The following ANKS1B variants were observed in gnomAD, a reference collection of about 807,000 sequenced individuals.
ANKS1B encodes ankyrin repeat and sterile alpha motif domain containing 1B.
Under a neutral mutation model 148.3 loss-of-function variants are expected in ANKS1B, and 36 were observed. The observed-to-expected ratio is 0.24, with a 90% confidence interval of 0.19 to 0.32. The LOEUF (loss-of-function observed/expected upper bound fraction) is 0.32. Among genes scored for constraint, ANKS1B ranks in the 10% least tolerant of loss-of-function variants. The pLI is 1.00. For missense variants in ANKS1B, 1,157 were observed against 1,542.6 expected (o/e 0.75, Z 4.19); for synonymous variants, 542 against 560.8 (o/e 0.97, Z 0.47).
intron 14 of ANKS1B, among the ~76,000 whole-genome samples, chr12:99,207,049 C>T (rs1171557525): frequency 1.3e-5 from 2 of 152,112 alleles, no homozygotes; most frequent in South Asian, 2.1e-4. Context: ...TAGATTTCCT[C>T]TCCTGTGACA....
At chr12:99,313,393 G>A (rs1415934003) in intron 12 of ANKS1B, among the ~76,000 whole-genome samples, 1 of 152,164 alleles carries the variant, frequency 6.6e-6, no homozygotes, top group Non-Finnish European at 1.5e-5. Context: ...CTGAAAAGGA[G>A]GGAATCTTCC....
At chr12:98,872,225 T>C (rs1268162635) in intron 17 of ANKS1B, among the ~76,000 whole-genome samples, 1 of 152,160 alleles carries the variant, frequency 6.6e-6, no homozygotes, top group African/African-American at 2.4e-5. Context: ...GAGACTGTAG[T>C]TGAAGACAGG....
At chr12:99,861,876 C>A (rs1314569573) in intron 1 of ANKS1B, among the ~76,000 whole-genome samples, 1 of 131,906 alleles carries the variant, frequency 7.6e-6, no homozygotes, top group African/African-American at 2.8e-5. Context: ...TTTCAAAATT[C>A]TTTTTGACAT....
chr12:98,996,692 A>G (rs1021914366), intron 17 of ANKS1B, among the ~76,000 whole-genome samples: 1 of 151,848 alleles, frequency 6.6e-6, no homozygotes, highest in African/African-American at 2.4e-5. Flanking sequence ...GGGCGCCTGT[A>G]GTCCCAGCTA....
At chr12:99,235,240 T>C (rs2087679608) in intron 14 of ANKS1B, among the ~76,000 whole-genome samples, 1 of 152,174 alleles carries the variant, frequency 6.6e-6, no homozygotes, top group Admixed American at 6.6e-5. Context: ...TTAATAATCA[T>C]GTGTATTATA....
At chr12:99,793,961 A>G (rs925211198) in intron 4 of ANKS1B, among the ~76,000 whole-genome samples, 1 of 152,114 alleles carries the variant, frequency 6.6e-6, no homozygotes, top group Non-Finnish European at 1.5e-5. Context: ...TAAGGAACAA[A>G]AAAACTTTAC....
intron 8 of ANKS1B, among the ~76,000 whole-genome samples, chr12:99,708,590 G>T (rs1367853146): frequency 6.6e-6 from 1 of 152,054 alleles, no homozygotes; most frequent in Non-Finnish European, 1.5e-5. Flanking sequence ...TTCCTCATTG[G>T]CTCTGGCTCA....
intron 7 of ANKS1B, among the ~76,000 whole-genome samples, chr12:99,774,444 A>C (rs2063471114): frequency 6.6e-6 from 1 of 152,118 alleles, no homozygotes; most frequent in Admixed American, 6.6e-5. Context: ...ATCATCTCCC[A>C]TCTATTAGAA....
intron 12 of ANKS1B, among the ~76,000 whole-genome samples, chr12:99,370,269 C>T (rs2093054329): frequency 6.6e-6 from 1 of 152,068 alleles, no homozygotes; most frequent in African/African-American, 2.4e-5. Flanking sequence ...ATCTAGAGTG[C>T]TTGGCCATGA....
chr12:99,194,797 A>G (rs2081192626), intron 14 of ANKS1B, among the ~76,000 whole-genome samples: 1 of 152,144 alleles, frequency 6.6e-6, no homozygotes, highest in Admixed American at 6.5e-5. Flanking sequence ...TTAACAGATG[A>G]GATGATATTT....
At chr12:98,997,672 T>C (rs542672727) in intron 17 of ANKS1B, among the ~76,000 whole-genome samples, 8 of 152,302 alleles carry the variant, frequency 5.3e-5, no homozygotes, top group African/African-American at 1.9e-4. Context: ...ATTACAGGCA[T>C]GAGCCACCGC....
chr12:99,078,008 CCA>C (rs1056031823), intron 16 of ANKS1B, among the ~76,000 whole-genome samples: 21 of 152,142 alleles, frequency 1.4e-4, no homozygotes, highest in African/African-American at 4.8e-4. Context: ...TGAAAGAAAC[CCA>C]CAGTTTTTTT....
chr12:99,923,237 C>T (rs2094406142), intron 1 of ANKS1B, among the ~76,000 whole-genome samples: 1 of 152,148 alleles, frequency 6.6e-6, no homozygotes, highest in Non-Finnish European at 1.5e-5. Flanking sequence ...AATCCATAGC[C>T]TCTGGGAAGG....
At chr12:99,011,100 C>T (rs1333031632) in intron 17 of ANKS1B, among the ~76,000 whole-genome samples, 1 of 151,996 alleles carries the variant, frequency 6.6e-6, no homozygotes, top group Non-Finnish European at 1.5e-5. Context: ...TCAATGCTCA[C>T]CTTCACCTCC....
In ANKS1B at chr12:99,154,325, G is replaced by A; in HGVS notation, c.2490C>T (p.His830=). Reference sequence around the variant, plus strand: ...CATTGTCAAATCCATTAGCCATCAGGTGGTTCTCGTACTGAGGTAGCCCAA... The same window carrying A: ...CATTGTCAAATCCATTAGCCATCAGATGGTTCTCGTACTGAGGTAGCCCAA... ...ESIGLPQYEN[H]LMANGFDNVQ... The change falls in exon 15 of 27, where the codon CAC becomes CAT. Residue 830 remains histidine, a synonymous_variant. Coordinates refer to ENST00000683438, the MANE Select transcript of ANKS1B (RefSeq NM_001352186.2). 6.2e-7 allele frequency: 1 copy of A among 1,613,760 alleles called. No homozygotes were observed. Among genetic ancestry groups the A allele is most frequent in the Non-Finnish European group, 8.5e-7 (1 of 1,179,714 alleles).
intron 17 of ANKS1B, among the ~76,000 whole-genome samples, chr12:98,969,341 G>A (rs1397747895): frequency 6.6e-6 from 1 of 152,278 alleles, no homozygotes. Flanking sequence ...CAGGCTCATG[G>A]TGTCACATTC....
rs539789779 is a variant in ANKS1B, at chr12:99,035,458, T to C, written c.2778+17699A>G. The stretch of plus-strand genomic sequence containing the variant: ...TATTAGCATTAGATCAGACCCTTTT[T>C]TTGGTCCAATAATATTTCGGCACAG... On this transcript the variant is annotated intron_variant, in intron 17 of 26. Coordinates refer to ENST00000683438, the MANE Select transcript of ANKS1B (RefSeq NM_001352186.2). Among the ~76,000 whole-genome samples, 21 of 152,304 alleles carry C rather than the reference T, an allele frequency of 1.4e-4. No individual in the cohort carries two copies. In the East Asian group the frequency reaches 1.9e-3, roughly 14 times the overall value.
chr12:99,584,571 T>C (rs2097607138), intron 9 of ANKS1B, among the ~76,000 whole-genome samples: 1 of 152,154 alleles, frequency 6.6e-6, no homozygotes, highest in African/African-American at 2.4e-5. Flanking sequence ...TACTCCAGCC[T>C]GGGTGACACA....
chr12:99,293,301 C>T (rs574661789), intron 12 of ANKS1B, among the ~76,000 whole-genome samples: 101 of 149,920 alleles, frequency 6.7e-4, no homozygotes, highest in East Asian at 7.9e-4. Flanking sequence ...AATTGAACAA[C>T]GAGAACACCT....
Sources: allele counts gnomAD v4.1 joint callset (sites outside exome capture counted in the v4.1 genomes callset), GRCh38; gene constraint gnomAD v4.1.1; transcripts MANE v1.5; gene names NCBI Gene and HGNC (gene_info 2026-07-23, HGNC 2026-07-21).